The following SLX4IP variants were observed in gnomAD, a reference collection of about 807,000 sequenced individuals.
SLX4IP encodes the protein SLX4 interacting protein, also known as protein SLX4IP.
Under a neutral mutation model 32.9 loss-of-function variants are expected in SLX4IP, and 34 were observed. The ratio of observed to expected loss-of-function variants is 1.03; its 90% CI spans 0.79 to 1.38. SLX4IP has a LOEUF of 1.38. SLX4IP is among the 40% of genes most tolerant of loss of function. The probability of loss-of-function intolerance (pLI) is 0.00; values close to 1 mark genes in which losing one functional copy is unlikely to be tolerated. For synonymous variants in SLX4IP, 172 were observed against 171.7 expected (o/e 1.00, Z -0.01); for missense variants, 444 against 479.0 (o/e 0.93, Z 0.68).
At chr20:10,451,047 C>T (rs1163429055) in intron 1 of SLX4IP, among the ~76,000 whole-genome samples, 2 of 150,194 alleles carry the variant, frequency 1.3e-5, no homozygotes, top group African/African-American at 2.4e-5. Context: ...CCACCGTGCC[C>T]GGCAGGCCTA....
intron 2 of SLX4IP, among the ~76,000 whole-genome samples, chr20:10,492,152 G>A (rs2065628509): frequency 1.3e-5 from 2 of 152,112 alleles, no homozygotes; most frequent in African/African-American, 4.8e-5. Flanking sequence ...CCCTAATTTT[G>A]TGCTATTCCC....
intron 2 of SLX4IP, among the ~76,000 whole-genome samples, chr20:10,513,558 A>G (rs2065828033): frequency 6.6e-6 from 1 of 152,230 alleles, no homozygotes; most frequent in Non-Finnish European, 1.5e-5. Flanking sequence ...CCTGCTGGTT[A>G]AGAGAAATCT....
chr20:10,575,340 G>A (rs897430070), intron 4 of SLX4IP, among the ~76,000 whole-genome samples: 5 of 152,110 alleles, frequency 3.3e-5, no homozygotes, highest in African/African-American at 9.7e-5. Flanking sequence ...AGTACCTGGG[G>A]CACTGGTTTT....
chr20:10,562,858 G>A (rs1411031947), intron 4 of SLX4IP, among the ~76,000 whole-genome samples: 1 of 152,202 alleles, frequency 6.6e-6, no homozygotes, highest in South Asian at 2.1e-4. Context: ...GCTATTGTGA[G>A]TAGCACTGCA....
chr20:10,542,291 T>C (rs2066116072), intron 2 of SLX4IP, among the ~76,000 whole-genome samples: 1 of 152,192 alleles, frequency 6.6e-6, no homozygotes, highest in Non-Finnish European at 1.5e-5. Flanking sequence ...AAAGTCCTGC[T>C]GGTCTGATCG....
At chr20:10,516,863 C>CT (rs1287686997) in intron 2 of SLX4IP, among the ~76,000 whole-genome samples, 11 of 152,160 alleles carry the variant, frequency 7.2e-5, no homozygotes, top group African/African-American at 2.7e-4. Context: ...ATAATTTTGT[C>CT]TATGTTTTAC....
intron 2 of SLX4IP, among the ~76,000 whole-genome samples, chr20:10,464,088 C>T (rs1458802227): frequency 6.6e-6 from 1 of 152,080 alleles, no homozygotes. Context: ...GGCAAATTAC[C>T]AGATCAAAAA....
chr20:10,442,552 T>G (rs6039936), intron 1 of SLX4IP, among the ~76,000 whole-genome samples: 1 of 152,060 alleles, frequency 6.6e-6, no homozygotes, highest in Non-Finnish European at 1.5e-5. Flanking sequence ...AGCATACTTA[T>G]GTAAATTATA....
chr20:10,588,075 A>G (rs1168405911), intron 4 of SLX4IP, among the ~76,000 whole-genome samples: 4 of 152,128 alleles, frequency 2.6e-5, no homozygotes, highest in Non-Finnish European at 5.9e-5. Flanking sequence ...TCAAGCCCAT[A>G]TATCTAATAA....
intron 4 of SLX4IP, among the ~76,000 whole-genome samples, chr20:10,592,779 T>C (rs545686468): frequency 2.0e-4 from 31 of 151,690 alleles, no homozygotes; most frequent in Non-Finnish European, 4.4e-4. Context: ...GGACTACAGG[T>C]GCGTGCCACC....
At chr20:10,518,550 CTTTCCTTCTTTCTTTCTT>C (rs2065878819) in intron 2 of SLX4IP, among the ~76,000 whole-genome samples, 1 of 108,304 alleles carries the variant, frequency 9.2e-6, no homozygotes, top group East Asian at 2.9e-4. Context: ...TCCTTCCTTC[CTTTCCTTCTTTCTTTCTT>C]TTCTTTCTTT....
At chr20:10,582,653 A>G (rs1252225666) in intron 4 of SLX4IP, among the ~76,000 whole-genome samples, 1 of 152,116 alleles carries the variant, frequency 6.6e-6, no homozygotes, top group Non-Finnish European at 1.5e-5. Flanking sequence ...TATTGTTCGT[A>G]TTTTACAATA....
At chr20:10,592,277 G>A (rs985707503) in intron 4 of SLX4IP, among the ~76,000 whole-genome samples, 5 of 152,170 alleles carry the variant, frequency 3.3e-5, no homozygotes, top group South Asian at 2.1e-4. Context: ...CTAGGATCCC[G>A]TATGTATATT....
rs1568690050 is a variant in SLX4IP, at chr20:10,458,162, T to C, written c.-29-14T>C. ...TTTTAATATACCTAATTGTAACTTTTTTTTTTCTTAAAGGTCTGTAGTTAC... is the reference window on the plus strand; with the variant it reads ...TTTTAATATACCTAATTGTAACTTTCTTTTTTCTTAAAGGTCTGTAGTTAC... On this transcript the variant is annotated splice_polypyrimidine_tract_variant and intron_variant, in intron 1 of 7. Coordinates refer to ENST00000334534, the MANE Select transcript of SLX4IP (RefSeq NM_001009608.3). 1 of 1,532,430 alleles carries C rather than the reference T, an allele frequency of 6.5e-7. No homozygotes were observed. Among genetic ancestry groups the C allele is most frequent in the Non-Finnish European group, 8.7e-7 (1 of 1,147,514 alleles). The allele number at this position is 1,532,430 out of a possible 1,614,324, so 94.9% of individuals were successfully genotyped here. A position where few individuals can be genotyped will look rare whatever the true frequency, so the allele number is the denominator to read the frequency against.
intron 2 of SLX4IP, among the ~76,000 whole-genome samples, chr20:10,507,906 A>ATG (rs1225091942): frequency 6.7e-6 from 1 of 148,872 alleles, no homozygotes; most frequent in East Asian, 1.9e-4. Context: ...AGTCTCCTTT[A>ATG]TATATATATA....
chr20:10,437,236 C>T (rs2065122627), intron 1 of SLX4IP, among the ~76,000 whole-genome samples: 1 of 152,178 alleles, frequency 6.6e-6, no homozygotes, highest in Non-Finnish European at 1.5e-5. Context: ...AGCGATCCTT[C>T]TGCCTTGGTC....
chr20:10,550,427 T>C (rs1056575807), intron 2 of SLX4IP, among the ~76,000 whole-genome samples: 6 of 152,092 alleles, frequency 3.9e-5, no homozygotes, highest in African/African-American at 1.4e-4. Flanking sequence ...TTGTCCTTCC[T>C]CTCCCTCACA....
rs1186640054 is a variant in SLX4IP, at chr20:10,624,791, C to T, written c.*1412C>T. The stretch of plus-strand genomic sequence containing the variant: ...TCCTTTCCCGTATCTCCTGTCCCCA[C>T]TTGTTAAGACCAGTAAGACTCATGA... On this transcript the variant is annotated 3_prime_UTR_variant, in exon 8 of 8. Transcript: ENST00000334534. 2 of 152,208 alleles carry T rather than the reference C, an allele frequency of 1.3e-5. No individual in the cohort carries two copies. The highest frequency in any genetic ancestry group is 4.8e-5 in the African/African-American group (2 of 41,450). 9.4% of individuals were successfully genotyped at this position (152,208 alleles called of 1,614,324 possible).
chr20:10,621,953 A>C (rs955924699), intron 7 of SLX4IP, among the ~76,000 whole-genome samples: 8 of 152,214 alleles, frequency 5.3e-5, no homozygotes, highest in African/African-American at 1.9e-4. Context: ...TGCAGCTTCT[A>C]TCCTGCCCCT....
Sources: allele counts gnomAD v4.1 joint callset (sites outside exome capture counted in the v4.1 genomes callset), GRCh38; gene constraint gnomAD v4.1.1; transcripts MANE v1.5; gene names NCBI Gene and HGNC (gene_info 2026-07-23, HGNC 2026-07-21).